Variants in RELL1 observed in about 807,000 individuals in gnomAD.
RELL1 encodes RELT-like protein 1.
A neutral mutation model predicts 23.0 loss-of-function variants in RELL1; 10 were observed. That is an observed-to-expected ratio of 0.43 (90% CI 0.27 to 0.74). The LOEUF is 0.74. RELL1 is among the 30% of genes least tolerant of loss of function. The pLI is 0.19. For missense variants in RELL1, 315 were observed against 364.4 expected, an observed-to-expected ratio of 0.86 and a Z score of 1.10; for synonymous variants, 146 against 146.8, an observed-to-expected ratio of 0.99 and a Z score of 0.04.
chr4:37,589,456 A>T (rs1356263686), downstream of RELL1, among the ~76,000 whole-genome samples: 1 of 152,214 alleles, frequency 6.6e-6, no homozygotes, highest in Admixed American at 6.5e-5. Context: ...CTTCATATTT[A>T]TCATTTTAGT....
chr4:37,597,586 A>T (rs1402356979), intron 6 of RELL1, among the ~76,000 whole-genome samples: 1 of 152,164 alleles, frequency 6.6e-6, no homozygotes, highest in African/African-American at 2.4e-5. Context: ...CATAGCCTCT[A>T]CTCATCAGCC....
intron 6 of RELL1, among the ~76,000 whole-genome samples, chr4:37,621,895 G>C (rs889939433): frequency 2.6e-5 from 4 of 152,180 alleles, no homozygotes; most frequent in Non-Finnish European, 4.4e-5. Flanking sequence ...ATATGTTTTA[G>C]TATCTCCTGT....
chr4:37,605,835 G>GAAAGAAAGAA (rs1274347554), downstream of RELL1, among the ~76,000 whole-genome samples: 5 of 110,494 alleles, frequency 4.5e-5, no homozygotes, highest in East Asian at 2.1e-4. Context: ...AAGAAAGAAA[G>GAAAGAAAGAA]AAAGAAAGAA....
At chr4:37,648,318 C>G (rs1039814221) in intron 2 of RELL1, among the ~76,000 whole-genome samples, 3 of 152,224 alleles carry the variant, frequency 2.0e-5, no homozygotes, top group African/African-American at 4.8e-5. Context: ...CATGACTCAT[C>G]ATGCAATCCT....
chr4:37,675,471 T>C (rs57148845), intron 1 of RELL1, among the ~76,000 whole-genome samples: 16,207 of 152,214 alleles, frequency 0.11, 1,148 homozygotes, highest in South Asian at 0.2. Flanking sequence ...CTCCACACAG[T>C]GGTTGCAAGA....
At chr4:37,634,826 A>G in intron 5 of RELL1, 61 bp downstream of exon 5, 2 of 1,335,294 alleles carry the variant, frequency 1.5e-6, no homozygotes, top group South Asian at 2.3e-5. Context: ...AGGTAAGCAG[A>G]AGTCCACACA....
chr4:37,651,280 A>C (rs1427579199), intron 1 of RELL1, among the ~76,000 whole-genome samples: 1 of 152,170 alleles, frequency 6.6e-6, no homozygotes, highest in African/African-American at 2.4e-5. Context: ...GTAGCAAAAG[A>C]ATCAGCAGAG....
intron 6 of RELL1, among the ~76,000 whole-genome samples, chr4:37,621,530 AT>A (rs1719766527): frequency 6.6e-6 from 1 of 152,042 alleles, no homozygotes; most frequent in Admixed American, 6.6e-5. Context: ...CATTAATTCC[AT>A]TTTCTTTCTA....
chr4:37,619,461 G>A (rs374232409), intron 6 of RELL1, among the ~76,000 whole-genome samples: 19 of 152,196 alleles, frequency 1.2e-4, no homozygotes, highest in African/African-American at 4.1e-4. Flanking sequence ...GATTACAGGC[G>A]TGAGCCACCG....
At chr4:37,665,218 T>C (rs898784939) in intron 1 of RELL1, 9 of 456,084 alleles carry the variant, frequency 2.0e-5, no homozygotes, top group Non-Finnish European at 3.5e-5. Context: ...ATTTGCCAAA[T>C]GCCAACAGTT....
intron 4 of RELL1, among the ~76,000 whole-genome samples, chr4:37,637,744 T>C (rs1428997151): frequency 1.3e-5 from 2 of 152,216 alleles, no homozygotes; most frequent in Non-Finnish European, 2.9e-5. Context: ...AAATGCTCCT[T>C]GTTGAAGAAA....
chr4:37,604,895 A>G (rs1278549488), intron 6 of RELL1, among the ~76,000 whole-genome samples: 3 of 75,894 alleles, frequency 4.0e-5, no homozygotes, highest in African/African-American at 1.3e-4. Flanking sequence ...ACAGACACAC[A>G]CACAGACACA....
At chr4:37,615,363 C>A (rs1719542207) in intron 6 of RELL1, among the ~76,000 whole-genome samples, 1 of 152,226 alleles carries the variant, frequency 6.6e-6, no homozygotes. Context: ...CAGTTCTGGT[C>A]TCTAATTACA....
chr4:37,631,511 TG>T lies in RELL1; in HGVS notation c.692del (p.Thr231LysfsTer15), dbSNP rs763966205. 3 of 1,614,006 alleles carry T rather than the reference TG, an allele frequency of 1.9e-6. No homozygotes were observed. In the South Asian group the frequency reaches 3.3e-5, roughly 18 times the overall value. On this transcript the variant is annotated frameshift_variant, in exon 6 of 7. Coordinates refer to ENST00000454158, the MANE Select transcript of RELL1 (RefSeq NM_001085400.2). LOFTEE classifies it high-confidence loss of function. ...TVLSVGRFRV[T>X]KVEHKSNQKE... ...TCTGGTTTGACTTGTGCTCCACTTTTGTAACTCTAAATCTGAGGGGGGAATG... is the reference window on the plus strand; with the variant it reads ...TCTGGTTTGACTTGTGCTCCACTTTTTAACTCTAAATCTGAGGGGGGAATG...
intron 1 of RELL1, among the ~76,000 whole-genome samples, chr4:37,649,966 C>A (rs554735931): frequency 1.3e-5 from 2 of 152,236 alleles, no homozygotes; most frequent in African/African-American, 4.8e-5. Flanking sequence ...CCCAGCTCCA[C>A]CATTTAGCAG....
At chr4:37,644,123 T>TG in intron 3 of RELL1, among the ~76,000 whole-genome samples, 1 of 151,882 alleles carries the variant, frequency 6.6e-6, no homozygotes, top group Non-Finnish European at 1.5e-5. Context: ...TACCTACTGG[T>TG]GCTAAGCACA....
chr4:37,608,831 G>A (rs1366220820), downstream of RELL1, among the ~76,000 whole-genome samples: 9 of 151,984 alleles, frequency 5.9e-5, no homozygotes, highest in East Asian at 1.4e-3. Context: ...GGGTTTCGCC[G>A]TGTTGGCCAG....
intron 3 of RELL1, among the ~76,000 whole-genome samples, chr4:37,639,344 A>G (rs1005824285): frequency 7.2e-6 from 1 of 139,832 alleles, no homozygotes; most frequent in Non-Finnish European, 1.5e-5. Context: ...ACATCACGCC[A>G]CTGCACTCCA....
intron 6 of RELL1, among the ~76,000 whole-genome samples, chr4:37,596,135 G>C (rs890468161): frequency 2.6e-5 from 4 of 152,114 alleles, no homozygotes; most frequent in African/African-American, 9.7e-5. Flanking sequence ...AATAAACCTG[G>C]GGTGAAATCC....
Sources: allele counts gnomAD v4.1 joint callset (sites outside exome capture counted in the v4.1 genomes callset), GRCh38; gene constraint gnomAD v4.1.1; transcripts MANE v1.5; gene names NCBI Gene and HGNC (gene_info 2026-07-23, HGNC 2026-07-21).